The following PLEKHO2 variants were observed in gnomAD, a reference collection of about 807,000 sequenced individuals.
PLEKHO2 encodes the protein pleckstrin homology domain containing O2, also known as pleckstrin homology domain-containing family O member 2.
Under a neutral mutation model 32.7 loss-of-function variants are expected in PLEKHO2, and 20 were observed. That is an observed-to-expected ratio of 0.61 (90% CI 0.43 to 0.89). The LOEUF is 0.89. PLEKHO2 is among the 40% of genes least tolerant of loss of function. PLEKHO2 has a pLI of 0.00. For synonymous variants in PLEKHO2, 247 were observed against 246.3 expected, an observed-to-expected ratio of 1.00 and a Z score of -0.03; for missense variants, 568 against 621.2, an observed-to-expected ratio of 0.91 and a Z score of 0.91.
intron 3 of PLEKHO2, among the ~76,000 whole-genome samples, chr15:64,856,928 G>C (rs1249853726): frequency 1.3e-5 from 2 of 149,992 alleles, no homozygotes; most frequent in Non-Finnish European, 3.0e-5. Context: ...CTGGCTGTCT[G>C]GTCCTGAGGC....
At chr15:64,856,672 A>C (rs905240906) in intron 3 of PLEKHO2, among the ~76,000 whole-genome samples, 3 of 152,198 alleles carry the variant, frequency 2.0e-5, no homozygotes, top group Non-Finnish European at 2.9e-5. Flanking sequence ...TGGCTCTGAG[A>C]ACAGGAGATG....
chr15:64,853,039 T>C (rs919005591), intron 2 of PLEKHO2, among the ~76,000 whole-genome samples: 1 of 150,132 alleles, frequency 6.7e-6, no homozygotes, highest in Non-Finnish European at 1.5e-5. Context: ...CTCGGGGGGC[T>C]GAGGCCGGAG....
chr15:64,846,021 C>T (rs2084519321), intron 1 of PLEKHO2, among the ~76,000 whole-genome samples: 2 of 152,180 alleles, frequency 1.3e-5, no homozygotes, highest in African/African-American at 4.8e-5. Context: ...GTGGTGCTGT[C>T]CTTGCTGTTG....
intron 2 of PLEKHO2, among the ~76,000 whole-genome samples, chr15:64,850,945 G>A (rs967125046): frequency 1.3e-5 from 2 of 152,210 alleles, no homozygotes; most frequent in Admixed American, 1.3e-4. Context: ...GGGGGCAGAA[G>A]GGGGAGCCTG....
chr15:64,842,737 T>C (rs2084494628), intron 1 of PLEKHO2, among the ~76,000 whole-genome samples: 1 of 152,168 alleles, frequency 6.6e-6, no homozygotes, highest in South Asian at 2.1e-4. Flanking sequence ...CTGGACCAAC[T>C]GTGTCCCTGG....
chr15:64,863,114 T>G (rs1250021983), intron 5 of PLEKHO2, among the ~76,000 whole-genome samples: 1 of 152,044 alleles, frequency 6.6e-6, no homozygotes, highest in Non-Finnish European at 1.5e-5. Context: ...ATTTTTGTAT[T>G]TTTAGTAGAG....
At chr15:64,842,229 T>A (rs2084489751) in intron 1 of PLEKHO2, among the ~76,000 whole-genome samples, 2 of 152,276 alleles carry the variant, frequency 1.3e-5, no homozygotes, top group Non-Finnish European at 2.9e-5. Flanking sequence ...TCATTCTCGC[T>A]GACTTTCTCA....
Position 64,865,059 on chromosome 15 carries a change from C to T in PLEKHO2, c.644C>T (p.Thr215Ile), listed in dbSNP as rs1381108184. ...PPTKPFLAPETTSPGDRVETP... is the reference protein window; with the variant it reads ...PPTKPFLAPEITSPGDRVETP... ...ACCAAGCCTTTCCTAGCACCTGAGA[C>T]CACCAGCCCTGGTGACAGGGTGGAG... Residue 215 changes from threonine to isoleucine, a missense_variant, in exon 6 of 6, where the codon ACC becomes ATC. By Grantham distance (89) the Thr-to-Ile change is moderately conservative. Coordinates refer to ENST00000323544, the MANE Select transcript of PLEKHO2 (RefSeq NM_025201.5). The T allele has an allele frequency of 1.2e-6, 2 of 1,614,140 alleles. No homozygotes were observed. The highest frequency in any genetic ancestry group is 4.5e-5 in the East Asian group (2 of 44,870).
At chr15:64,854,522 A>G (rs959076460) in intron 2 of PLEKHO2, among the ~76,000 whole-genome samples, 1 of 151,320 alleles carries the variant, frequency 6.6e-6, no homozygotes, top group African/African-American at 2.4e-5. Context: ...TCCCCATCCC[A>G]CTCCCTGCCT....
chr15:64,855,813 T>C (rs1432230705), intron 3 of PLEKHO2, among the ~76,000 whole-genome samples: 3 of 152,188 alleles, frequency 2.0e-5, no homozygotes, highest in African/African-American at 4.8e-5. Flanking sequence ...GCATGTCATG[T>C]GGAGCCTCGC....
intron 1 of PLEKHO2, among the ~76,000 whole-genome samples, chr15:64,846,502 TG>T (rs775853533): frequency 4.5e-4 from 69 of 152,230 alleles, no homozygotes; most frequent in Non-Finnish European, 7.6e-4. Context: ...TTAGTAGAGT[TG>T]GGGTTTCCCC....
At chr15:64,858,129 G>A (rs1203885389) in intron 3 of PLEKHO2, among the ~76,000 whole-genome samples, 1 of 152,232 alleles carries the variant, frequency 6.6e-6, no homozygotes, top group Non-Finnish European at 1.5e-5. Context: ...GCCCCCAGCA[G>A]CCCTGATGGC....
intron 4 of PLEKHO2, 48 bp downstream of exon 4, chr15:64,860,046 C>A: frequency 6.5e-7 from 1 of 1,544,712 alleles, no homozygotes; most frequent in Non-Finnish European, 8.9e-7. Flanking sequence ...TCCTTTCCCA[C>A]TGCGTGTGAT....
chr15:64,841,933 G>T lies in PLEKHO2; in HGVS notation c.-84G>T. ...GCGGGACAGAACGCGGAGAGTCGCC[G>T]CCTGGCCGGGCGTAGACGCGGTGGC... On this transcript the variant is annotated 5_prime_UTR_variant, in exon 1 of 6. Transcript: ENST00000323544. The T allele has an allele frequency of 1.6e-6, 2 of 1,215,566 alleles. No homozygotes were observed. The highest frequency in any genetic ancestry group is 2.1e-6 in the Non-Finnish European group (2 of 973,320). The allele number at this position is 1,215,566 out of a possible 1,614,324, so 75.3% of individuals were successfully genotyped here.
intron 2 of PLEKHO2, among the ~76,000 whole-genome samples, chr15:64,852,637 T>C (rs775284980): frequency 6.6e-6 from 1 of 151,084 alleles, no homozygotes; most frequent in African/African-American, 2.4e-5. Flanking sequence ...CTTTTTTTTT[T>C]TGAGAAGGAG....
chr15:64,850,205 A>AT (rs2084556854), intron 2 of PLEKHO2, among the ~76,000 whole-genome samples: 1 of 152,034 alleles, frequency 6.6e-6, no homozygotes, highest in African/African-American at 2.4e-5. Flanking sequence ...TTGTTTGGAG[A>AT]TATGCTCTTA....
intron 2 of PLEKHO2, among the ~76,000 whole-genome samples, chr15:64,852,623 G>A (rs1192403948): frequency 2.0e-5 from 3 of 151,798 alleles, no homozygotes; most frequent in African/African-American, 7.3e-5. Context: ...GTAGAGCAGT[G>A]GTTCTTTTTT....
chr15:64,843,832 G>A (rs1305731103), intron 1 of PLEKHO2, among the ~76,000 whole-genome samples: 1 of 151,932 alleles, frequency 6.6e-6, no homozygotes, highest in Non-Finnish European at 1.5e-5. Context: ...CGCCTGCCTC[G>A]GCCTCCGAAA....
intron 2 of PLEKHO2, among the ~76,000 whole-genome samples, chr15:64,851,593 G>A (rs1016659260): frequency 6.6e-6 from 1 of 152,160 alleles, no homozygotes; most frequent in African/African-American, 2.4e-5. Context: ...GGAACTAGGC[G>A]AATGCGAATG....
Sources: allele counts gnomAD v4.1 joint callset (sites outside exome capture counted in the v4.1 genomes callset), GRCh38; gene constraint gnomAD v4.1.1; transcripts MANE v1.5; gene names NCBI Gene and HGNC (gene_info 2026-07-23, HGNC 2026-07-21).